ANKS1B: variants seen among roughly 807,000 people sequenced by gnomAD.
The protein encoded by ANKS1B is ankyrin repeat and sterile alpha motif domain-containing protein 1B.
A neutral mutation model predicts 148.3 loss-of-function variants in ANKS1B; 36 were observed. That is an observed-to-expected ratio of 0.24 (90% confidence interval 0.19 to 0.32). ANKS1B has a LOEUF of 0.32. Among genes scored for constraint, ANKS1B ranks in the 10% least tolerant of loss-of-function variants. The probability of loss-of-function intolerance (pLI) is 1.00; values close to 1 mark genes in which losing one functional copy is unlikely to be tolerated. For missense variants in ANKS1B, 1,157 were observed against 1,542.6 expected, an observed-to-expected ratio of 0.75 and a Z score of 4.19; for synonymous variants, 542 against 560.8, an observed-to-expected ratio of 0.97 and a Z score of 0.47.
chr12:98,824,688 C>G (rs568571807), intron 19 of ANKS1B, among the ~76,000 whole-genome samples: 1 of 152,146 alleles, frequency 6.6e-6, no homozygotes, highest in Admixed American at 6.5e-5. Context: ...AAAACAGCAT[C>G]GACTATTTGG....
At chr12:99,433,776 G>T (rs1442020331) in intron 11 of ANKS1B, among the ~76,000 whole-genome samples, 1 of 152,110 alleles carries the variant, frequency 6.6e-6, no homozygotes, top group East Asian at 1.9e-4. Flanking sequence ...TCTGGAACTG[G>T]ATGAGAACAC....
chr12:99,082,449 G>A (rs2050131156), intron 16 of ANKS1B, among the ~76,000 whole-genome samples: 1 of 152,256 alleles, frequency 6.6e-6, no homozygotes, highest in African/African-American at 2.4e-5. Context: ...ACAGGATAAA[G>A]ACTTTATTCT....
chr12:99,032,836 C>T (rs1347517697), intron 17 of ANKS1B, among the ~76,000 whole-genome samples: 2 of 152,070 alleles, frequency 1.3e-5, no homozygotes, highest in African/African-American at 4.8e-5. Flanking sequence ...TTTCAGGAAA[C>T]ACGTGTTTTA....
chr12:99,079,872 C>T (rs1169002348), intron 16 of ANKS1B: 4 of 152,178 alleles, frequency 2.6e-5, no homozygotes, highest in East Asian at 3.9e-4. Context: ...AGAATAGACT[C>T]GCTCTCCTGG....
At chr12:99,328,980 A>G (rs536893404) in intron 12 of ANKS1B, among the ~76,000 whole-genome samples, 1 of 152,048 alleles carries the variant, frequency 6.6e-6, no homozygotes, top group Admixed American at 6.6e-5. Flanking sequence ...AAATTCAGCA[A>G]TGCAAAAGAA....
At chr12:99,772,766 G>T in intron 8 of ANKS1B, 156 bp downstream of exon 8, 2 of 708,288 alleles carry the variant, frequency 2.8e-6, no homozygotes, top group Non-Finnish European at 2.1e-6. Flanking sequence ...TGCACTGCGA[G>T]TAAAACCCCA....
intron 1 of ANKS1B, among the ~76,000 whole-genome samples, chr12:99,890,573 GTGTGTGTGT>G (rs2093044666): frequency 8.3e-4 from 2 of 2,412 alleles, no homozygotes; most frequent in African/African-American, 3.0e-3. Context: ...CATTCATGGT[GTGTGTGTGT>G]GTGTGTGTGT....
At chr12:99,747,376 G>A (rs561715638) in intron 8 of ANKS1B, among the ~76,000 whole-genome samples, 88 of 152,038 alleles carry the variant, frequency 5.8e-4, no homozygotes, top group Non-Finnish European at 1.0e-3. Flanking sequence ...ACCAAGTCTT[G>A]TAAATTCAGC....
intron 17 of ANKS1B, chr12:98,895,049 G>T: frequency 3.3e-6 from 3 of 916,944 alleles, no homozygotes; most frequent in South Asian, 9.8e-5. Flanking sequence ...TGCTGGCTGC[G>T]CTCTCCATTG....
chr12:99,717,615 T>C (rs2057500024), intron 8 of ANKS1B, among the ~76,000 whole-genome samples: 2 of 152,140 alleles, frequency 1.3e-5, no homozygotes, highest in South Asian at 2.1e-4. Flanking sequence ...GGCCCAAGGC[T>C]CTCTGACTGA....
At chr12:99,830,068 A>C (rs752692778) in intron 1 of ANKS1B, among the ~76,000 whole-genome samples, 3 of 152,148 alleles carry the variant, frequency 2.0e-5, no homozygotes, top group Non-Finnish European at 4.4e-5. Context: ...AATGAAGAGA[A>C]ATTATTCATA....
intron 1 of ANKS1B, among the ~76,000 whole-genome samples, chr12:99,859,810 C>A (rs891928701): frequency 6.6e-6 from 1 of 152,024 alleles, no homozygotes; most frequent in Non-Finnish European, 1.5e-5. Context: ...CCACGCCTGG[C>A]TAATTTTTAT....
chr12:99,021,629 A>G (rs1454971872), intron 17 of ANKS1B, among the ~76,000 whole-genome samples: 2 of 152,206 alleles, frequency 1.3e-5, no homozygotes, highest in Non-Finnish European at 1.5e-5. Flanking sequence ...GAACTTTGAA[A>G]TGAGGAAAAC....
chr12:98,997,689 C>G (rs2099930532), intron 17 of ANKS1B, among the ~76,000 whole-genome samples: 2 of 152,116 alleles, frequency 1.3e-5, no homozygotes, highest in Non-Finnish European at 2.9e-5. Flanking sequence ...CCGCGCCTGG[C>G]CCAGGCTTCA....
chr12:99,477,759 TGA>T (rs1344539301), intron 10 of ANKS1B, among the ~76,000 whole-genome samples: 1 of 152,122 alleles, frequency 6.6e-6, no homozygotes, highest in African/African-American at 2.4e-5. Flanking sequence ...GGGAAACTTT[TGA>T]GAGTGAAAAG....
chr12:99,806,354 G>C, intron 4 of ANKS1B, 50 bp downstream of exon 4: 2 of 1,594,284 alleles, frequency 1.3e-6, no homozygotes, highest in Non-Finnish European at 1.7e-6. Context: ...GAATCCCAAA[G>C]CCAAGCAACA....
chr12:99,606,500 T>C lies in ANKS1B; in HGVS notation c.1272+48567A>G, dbSNP rs1461392212. On this transcript the variant is annotated intron_variant, in intron 9 of 26. Coordinates refer to ENST00000683438, the MANE Select transcript of ANKS1B (RefSeq NM_001352186.2). ...AATGATTTCATTATTTCTAGAGACA[T>C]GCATTTCCTCAATTTTTTACATTTA... Among the ~76,000 whole-genome samples, 4 of 152,126 alleles carry C rather than the reference T, an allele frequency of 2.6e-5. No individual in the cohort carries two copies. In the East Asian group the frequency reaches 7.7e-4, roughly 29 times the overall value.
intron 15 of ANKS1B, among the ~76,000 whole-genome samples, chr12:99,143,747 T>C (rs2071873713): frequency 6.6e-6 from 1 of 152,042 alleles, no homozygotes; most frequent in Non-Finnish European, 1.5e-5. Flanking sequence ...TTCCTTAGTC[T>C]AGACTGCTTA....
rs145550588 is a variant in ANKS1B at position 99,638,365 on chromosome 12, T to C, written c.1272+16702A>G. On this transcript the variant is annotated intron_variant, in intron 9 of 26. Transcript: ENST00000683438. ...TGAATGGCTTTGGTCAAAATGTTGATAGTGATGGACAATGAAGTCCAGGCT... is the reference window on the plus strand; with the variant it reads ...TGAATGGCTTTGGTCAAAATGTTGACAGTGATGGACAATGAAGTCCAGGCT... Among the ~76,000 whole-genome samples, 199 of 152,204 alleles carry C rather than the reference T, an allele frequency of 1.3e-3. 1 individual carries two copies. Among genetic ancestry groups the C allele is most frequent in the African/African-American group, 4.2e-3 (173 of 41,518 alleles).
Sources: gnomAD v4.1 joint callset for allele counts (sites outside exome capture counted in the v4.1 genomes callset) on GRCh38, gnomAD v4.1.1 for gene constraint, MANE v1.5 for transcripts, NCBI Gene and HGNC (gene_info 2026-07-23, HGNC 2026-07-21) for gene names.